The following ITGAE variants were observed in gnomAD, a reference collection of about 807,000 sequenced individuals.
ITGAE encodes integrin alpha-E.
ITGAE carries 99 observed loss-of-function variants against 136.5 expected under a neutral mutation model. The ratio of observed to expected loss-of-function variants is 0.73; its 90% CI spans 0.62 to 0.86. ITGAE has a LOEUF of 0.86. ITGAE is among the 40% of genes least tolerant of loss of function. The probability of loss-of-function intolerance (pLI) is 0.00; values close to 1 mark genes in which losing one functional copy is unlikely to be tolerated. For synonymous variants in ITGAE, 613 were observed against 591.8 expected, an observed-to-expected ratio of 1.04 and a Z score of -0.52; for missense variants, 1,447 against 1,515.3, an observed-to-expected ratio of 0.95 and a Z score of 0.75.
At chr17:3,737,620 G>A (rs1387485985) in intron 20 of ITGAE, among the ~76,000 whole-genome samples, 1 of 152,228 alleles carries the variant, frequency 6.6e-6, no homozygotes, top group Non-Finnish European at 1.5e-5. Flanking sequence ...TAGAGCTCAG[G>A]CGTGAGACCT....
intron 12 of ITGAE, 37 bp downstream of exon 12, chr17:3,755,080 A>AGGTGGCCCCGCCCTCATCC: frequency 2.0e-6 from 3 of 1,529,690 alleles, no homozygotes; most frequent in African/African-American, 1.5e-5. Context: ...CGCCCTCATC[A>AGGTGGCCCCGCCCTCATCC]GGTGGCCCCG....
intron 4 of ITGAE, 136 bp from the exon 5 acceptor site, chr17:3,761,656 A>C: frequency 1.2e-6 from 1 of 811,458 alleles, no homozygotes; most frequent in Non-Finnish European, 1.9e-6. Flanking sequence ...CCCACCCCTC[A>C]CCGGGTGTAG....
At chr17:3,723,566 A>G in intron 27 of ITGAE, 122 bp downstream of exon 27, 1 of 1,117,090 alleles carries the variant, frequency 9.0e-7, no homozygotes, top group South Asian at 1.5e-5. Context: ...GAAGCTAGGG[A>G]GGGCCTGGCA....
chr17:3,776,628 G>A (rs1422264726), intron 2 of ITGAE, among the ~76,000 whole-genome samples: 1 of 152,136 alleles, frequency 6.6e-6, no homozygotes, highest in East Asian at 1.9e-4. Context: ...GTGCAATCAC[G>A]GCTCCCTACA....
intron 30 of ITGAE, among the ~76,000 whole-genome samples, chr17:3,715,505 A>T (rs1210239689): frequency 6.6e-6 from 1 of 152,160 alleles, no homozygotes; most frequent in Non-Finnish European, 1.5e-5. Flanking sequence ...CTGACAAGAA[A>T]AGCAGCCTAC....
intron 16 of ITGAE, among the ~76,000 whole-genome samples, chr17:3,749,186 T>C (rs1160264519): frequency 1.4e-5 from 2 of 144,298 alleles, no homozygotes; most frequent in Non-Finnish European, 3.0e-5. Flanking sequence ...TGCCATTTGC[T>C]GAGACAGAAA....
intron 1 of ITGAE, among the ~76,000 whole-genome samples, chr17:3,790,195 A>C (rs1236913810): frequency 1.3e-5 from 2 of 152,120 alleles, no homozygotes. Context: ...CAAGGCTTTA[A>C]AACACTTCAG....
intron 29 of ITGAE, chr17:3,717,666 T>G (rs1174533607): frequency 3.9e-5 from 6 of 152,178 alleles, no homozygotes; most frequent in Admixed American, 3.3e-4. Flanking sequence ...TTGGAGAGGT[T>G]TCTGTACGGG....
At chr17:3,756,223 CCTTT>C (rs1365637164) in intron 10 of ITGAE, among the ~76,000 whole-genome samples, 1 of 16,944 alleles carries the variant, frequency 5.9e-5, no homozygotes, top group Non-Finnish European at 1.3e-4. Flanking sequence ...ATATTGTTGG[CCTTT>C]TTTTTTTTTT....
intron 1 of ITGAE, among the ~76,000 whole-genome samples, chr17:3,786,122 G>C (rs552007400): frequency 6.8e-5 from 10 of 147,490 alleles, no homozygotes; most frequent in African/African-American, 2.5e-4. Flanking sequence ...AGCCGAGATC[G>C]CGCCACTGCA....
Position 3,714,717 on chromosome 17 carries a change from G to C in ITGAE, c.*130C>G. ...ACAGACACTTTTGGGACAATGTATGGTTAAAAACTAATATTCTACCAACAG... is the reference window on the plus strand; with the variant it reads ...ACAGACACTTTTGGGACAATGTATGCTTAAAAACTAATATTCTACCAACAG... On this transcript the variant is annotated 3_prime_UTR_variant, in exon 31 of 31. Transcript: ENST00000263087. 1.7e-6 allele frequency: 1 copy of C among 574,014 alleles called. No individual in the cohort carries two copies. The highest frequency in any genetic ancestry group is 3.1e-6 in the Non-Finnish European group (1 of 324,754). 35.6% of individuals were successfully genotyped at this position (574,014 alleles called of 1,614,324 possible). A position where few individuals can be genotyped will look rare whatever the true frequency, so the allele number is the denominator to read the frequency against.
chr17:3,763,552 T>C (rs1242192489), intron 3 of ITGAE, among the ~76,000 whole-genome samples: 1 of 152,096 alleles, frequency 6.6e-6, no homozygotes, highest in African/African-American at 2.4e-5. Context: ...TGTAGCTTCC[T>C]CTCTTATAAA....
chr17:3,791,362 A>C (rs947611456), intron 1 of ITGAE, among the ~76,000 whole-genome samples: 2 of 151,896 alleles, frequency 1.3e-5, no homozygotes, highest in Non-Finnish European at 2.9e-5. Context: ...AGCTCACTAC[A>C]ACCTCTGTCT....
At chr17:3,740,832 T>A (rs1195432377) in intron 19 of ITGAE, among the ~76,000 whole-genome samples, 1 of 152,224 alleles carries the variant, frequency 6.6e-6, no homozygotes, top group African/African-American at 2.4e-5. Flanking sequence ...TGTTTTTGTA[T>A]TATGAAGGAA....
intron 2 of ITGAE, among the ~76,000 whole-genome samples, chr17:3,772,456 T>C (rs2052447605): frequency 6.6e-5 from 10 of 151,000 alleles, no homozygotes; most frequent in Admixed American, 5.9e-4. Flanking sequence ...TTAAATCTAA[T>C]GGTGAGCAGA....
intron 1 of ITGAE, among the ~76,000 whole-genome samples, chr17:3,797,167 T>C (rs1234081844): frequency 8.8e-6 from 1 of 113,250 alleles, no homozygotes; most frequent in East Asian, 2.3e-4. Context: ...ATTTTTTTTT[T>C]TTTTTTTTTT....
chr17:3,784,320 A>G (rs2052734939), intron 1 of ITGAE: 2 of 360,712 alleles, frequency 5.5e-6, no homozygotes, highest in Non-Finnish European at 1.1e-5. Context: ...GAGCAAGGAT[A>G]TAGAAGATAT....
intron 2 of ITGAE, among the ~76,000 whole-genome samples, chr17:3,767,739 C>T (rs527896777): frequency 6.6e-6 from 1 of 152,246 alleles, no homozygotes; most frequent in Admixed American, 6.5e-5. Flanking sequence ...CCTCCTACCT[C>T]AGCCTCACAA....
In ITGAE at chr17:3,777,736, A is replaced by C. The variant is rs2052577794; in HGVS notation, c.35-76T>G. 8.0e-6 allele frequency: 12 copies of C among 1,507,512 alleles called. 2 individuals carry two copies. In the South Asian group the frequency reaches 1.5e-4, roughly 19 times the overall value. The allele number at this position is 1,507,512 out of a possible 1,614,324, so 93.4% of individuals were successfully genotyped here. A position where few individuals can be genotyped will look rare whatever the true frequency, so the allele number is the denominator to read the frequency against. On this transcript the variant is annotated intron_variant, in intron 1 of 30. Coordinates refer to ENST00000263087, the MANE Select transcript of ITGAE (RefSeq NM_002208.5). ...TTCCAGCAAATCCTGTGGTGTCATGAACCCCGTTTTACAGCTGAGAAAAGT... is the reference window on the plus strand; with the variant it reads ...TTCCAGCAAATCCTGTGGTGTCATGCACCCCGTTTTACAGCTGAGAAAAGT...
Sources: gnomAD v4.1 joint callset for allele counts (sites outside exome capture counted in the v4.1 genomes callset) on GRCh38, gnomAD v4.1.1 for gene constraint, MANE v1.5 for transcripts, NCBI Gene and HGNC (gene_info 2026-07-23, HGNC 2026-07-21) for gene names.